UNC13C: variants seen among roughly 807,000 people sequenced by gnomAD.
UNC13C encodes the protein protein unc-13 homolog C.
In UNC13C, 174 loss-of-function variants were observed where a neutral mutation model predicts 245.4. That is an observed-to-expected ratio of 0.71 (90% CI 0.63 to 0.80). UNC13C has a LOEUF of 0.80. Among genes scored for constraint, UNC13C ranks in the 30% least tolerant of loss-of-function variants. The pLI, the probability that UNC13C is intolerant of heterozygous loss-of-function variation, is 0.00. For missense variants in UNC13C, 2,829 were observed against 2,602.9 expected (o/e 1.09, Z -1.89); for synonymous variants, 992 against 895.1 (o/e 1.11, Z -1.93).
intron 2 of UNC13C, chr15:54,050,846 G>A (rs1023241480): frequency 5.2e-6 from 3 of 574,974 alleles, no homozygotes; most frequent in Non-Finnish European, 6.9e-6. Context: ...TTGATGCTTT[G>A]GTTCTCTTAA....
chr15:54,564,535 G>A (rs998224070), intron 29 of UNC13C, among the ~76,000 whole-genome samples: 6 of 151,900 alleles, frequency 3.9e-5, no homozygotes, highest in Admixed American at 2.6e-4. Context: ...TGCTTTCATA[G>A]CTTAACTCTT....
chr15:54,532,971 A>G lies in UNC13C; in HGVS notation c.5601A>G (p.Gln1867=). 6.3e-7 allele frequency: 1 copy of G among 1,596,618 alleles called. No individual in the cohort carries two copies. ...AACAGATGAGTTTCGAACTAAATCAAATGAGAGCAAATGGAAACACCACAT... is the reference window on the plus strand; with the variant it reads ...AACAGATGAGTTTCGAACTAAATCAGATGAGAGCAAATGGAAACACCACAT... ...CIKQMSFELN[Q]MRANGNTTSN... is the part of the protein sequence containing the mutation. Residue 1867 remains glutamine, a synonymous_variant, in exon 26 of 33, where the codon CAA becomes CAG. Transcript: ENST00000260323.
intron 14 of UNC13C, among the ~76,000 whole-genome samples, chr15:54,329,281 G>A (rs1193769438): frequency 6.6e-6 from 1 of 151,518 alleles, no homozygotes; most frequent in African/African-American, 2.4e-5. Context: ...CTTCATGTTG[G>A]GAACATTCCA....
At chr15:54,020,856 T>G (rs1897038) in intron 2 of UNC13C, among the ~76,000 whole-genome samples, 1,860 of 152,248 alleles carry the variant, frequency 0.012, 33 homozygotes, top group African/African-American at 0.041. Context: ...GGGGCTTTTT[T>G]TTTGTTTGTT....
At chr15:54,219,036 T>C (rs12904096) in intron 4 of UNC13C, among the ~76,000 whole-genome samples, 21,347 of 150,854 alleles carry the variant, frequency 0.14, 1,109 homozygotes, top group Non-Finnish European at 0.15. Flanking sequence ...AGGTAATTTA[T>C]AGATTCAATG....
chr15:54,506,042 A>C (rs1358573867), intron 22 of UNC13C, among the ~76,000 whole-genome samples: 2 of 152,174 alleles, frequency 1.3e-5, no homozygotes, highest in Admixed American at 6.6e-5. Context: ...CAAAAAACAA[A>C]ATCTATGCTG....
chr15:54,073,279 C>T (rs1194872872), intron 2 of UNC13C, among the ~76,000 whole-genome samples: 2 of 152,066 alleles, frequency 1.3e-5, no homozygotes, highest in South Asian at 2.1e-4. Context: ...TCTAGTTTAT[C>T]ATTGATGGGC....
intron 4 of UNC13C, among the ~76,000 whole-genome samples, chr15:54,174,142 G>A (rs1298914468): frequency 6.6e-6 from 1 of 151,976 alleles, no homozygotes; most frequent in Non-Finnish European, 1.5e-5. Context: ...TGCTCATGAG[G>A]GCAATTGGTC....
chr15:54,415,119 A>C, intron 19 of UNC13C, 52 bp downstream of exon 19: 1 of 1,326,370 alleles, frequency 7.5e-7, no homozygotes, highest in Non-Finnish European at 1.1e-6. Context: ...TTAAATGGTG[A>C]TATTGTGTTC....
At chr15:53,961,280 A>AT in the UNC13C span, among the ~76,000 whole-genome samples, 1 of 152,220 alleles carries the variant, frequency 6.6e-6, no homozygotes, top group African/African-American at 2.4e-5. Context: ...TGGTGCTCTT[A>AT]TTCCTTTGCT....
downstream of UNC13C, chr15:54,630,543 G>T (rs1596720958): frequency 6.6e-6 from 1 of 152,220 alleles, no homozygotes; most frequent in Non-Finnish European, 1.5e-5. Context: ...ATGACTCAGG[G>T]AATATCCTTG....
chr15:53,865,025 T>G, the UNC13C span, among the ~76,000 whole-genome samples: 1 of 152,140 alleles, frequency 6.6e-6, no homozygotes, highest in Non-Finnish European at 1.5e-5. Context: ...TTTGGTAAAT[T>G]TTAGGCAGAG....
chr15:54,431,507 GA>G (rs2040872826), intron 19 of UNC13C, among the ~76,000 whole-genome samples: 1 of 151,562 alleles, frequency 6.6e-6, no homozygotes, highest in Non-Finnish European at 1.5e-5. Flanking sequence ...CTTAAACTCT[GA>G]AATTTGATGT....
At chr15:53,956,887 T>TGTGTGTGTGC in the UNC13C span, among the ~76,000 whole-genome samples, 3 of 151,452 alleles carry the variant, frequency 2.0e-5, no homozygotes, top group Non-Finnish European at 4.4e-5. Flanking sequence ...TGTGTGTGTG[T>TGTGTGTGTGC]GTGTGTGTGT....
Position 54,369,179 on chromosome 15 carries a change from C to T in UNC13C, c.4714-23869C>T, listed in dbSNP as rs373124629. Among the ~76,000 whole-genome samples, 64 of 146,506 alleles carry T rather than the reference C, an allele frequency of 4.4e-4. 1 individual carries two copies. In the South Asian group the frequency reaches 0.011, roughly 25 times the overall value. On this transcript the variant is annotated intron_variant, in intron 17 of 32. Coordinates refer to ENST00000260323, the MANE Select transcript of UNC13C (RefSeq NM_001080534.3). ...ATTATAGAAATAGACCATCTGGGAT[C>T]GATGATTAACCTCCCCCCCCCAAAA...
At chr15:54,198,253 A>G (rs550123676) in intron 4 of UNC13C, among the ~76,000 whole-genome samples, 5 of 152,014 alleles carry the variant, frequency 3.3e-5, no homozygotes, top group Non-Finnish European at 7.4e-5. Flanking sequence ...CTGGTAGCCA[A>G]AGACAAAGCT....
At chr15:54,552,161 T>C (rs1596554873) in intron 28 of UNC13C, among the ~76,000 whole-genome samples, 1 of 147,140 alleles carries the variant, frequency 6.8e-6, no homozygotes, top group African/African-American at 2.5e-5. Context: ...ATTATTCCAT[T>C]AAACATGTAT....
chr15:53,855,059 TG>T, the UNC13C span, among the ~76,000 whole-genome samples: 4 of 152,152 alleles, frequency 2.6e-5, no homozygotes, highest in Non-Finnish European at 5.9e-5. Flanking sequence ...TTGTAGCAAT[TG>T]TGAATGGGAG....
chr15:54,421,496 G>A (rs1376569876), intron 19 of UNC13C, among the ~76,000 whole-genome samples: 2 of 152,168 alleles, frequency 1.3e-5, no homozygotes, highest in South Asian at 4.1e-4. Flanking sequence ...CAGCTAGGCA[G>A]TTGGTGGAAA....
Sources: allele counts gnomAD v4.1 joint callset (sites outside exome capture counted in the v4.1 genomes callset), GRCh38; gene constraint gnomAD v4.1.1; transcripts MANE v1.5; gene names NCBI Gene and HGNC (gene_info 2026-07-23, HGNC 2026-07-21).